Variants in TNPO2 observed in about 807,000 individuals in gnomAD.
TNPO2 encodes transportin-2.
Under a neutral mutation model 111.1 loss-of-function variants are expected in TNPO2, and 16 were observed. That is an observed-to-expected ratio of 0.14 (90% CI 0.10 to 0.22). The LOEUF (loss-of-function observed/expected upper bound fraction) is 0.22. Ranked by LOEUF, TNPO2 falls within the 10% of genes least tolerant of loss-of-function variation. The pLI, the probability that TNPO2 is intolerant of heterozygous loss-of-function variation, is 1.00. For synonymous variants in TNPO2, 481 were observed against 475.8 expected, an observed-to-expected ratio of 1.01 and a Z score of -0.14; for missense variants, 530 against 1,173.7, an observed-to-expected ratio of 0.45 and a Z score of 8.01.
At chr19:12,717,146 G>T (rs2026406028) in intron 5 of TNPO2, among the ~76,000 whole-genome samples, 1 of 152,002 alleles carries the variant, frequency 6.6e-6, no homozygotes, top group African/African-American at 2.4e-5. Context: ...TAGGTACACA[G>T]TGAGGATTGT....
chr19:12,721,393 G>A lies in TNPO2; in HGVS notation c.-13-403C>T. ...ATCCAGGGGCCCCGCCCCAGACCGT[G>A]ATAGCGCCCCGGCCCCCGTGGTCTC... On this transcript the variant is annotated intron_variant, in intron 2 of 25. Transcript: ENST00000425528. The surrounding 1 kb of genome is among the most constrained non-coding windows in gnomAD (Gnocchi z 4.9). The A allele has an allele frequency of 1.1e-6, 1 of 941,604 alleles. No homozygotes were observed. Among genetic ancestry groups the A allele is most frequent in the Non-Finnish European group, 1.5e-6 (1 of 679,980 alleles). 58.3% of individuals were successfully genotyped at this position (941,604 alleles called of 1,614,324 possible). A position where few individuals can be genotyped will look rare whatever the true frequency, so the allele number is the denominator to read the frequency against.
Position 12,702,989 on chromosome 19 carries a change from C to T in TNPO2, c.2210-71G>A. On this transcript the variant is annotated intron_variant, in intron 20 of 25. Coordinates refer to ENST00000425528, the MANE Select transcript of TNPO2 (RefSeq NM_001382241.1). The surrounding 1 kb of genome is among the most constrained non-coding windows in gnomAD (Gnocchi z 5.5). ...CAGGGGCCAGGGGGCCGCCCCACCT[C>T]ACTCACTACTCGCCCCAGTTCCAAC... The T allele has an allele frequency of 7.3e-7, 1 of 1,373,058 alleles. No homozygotes were observed. Among genetic ancestry groups the T allele is most frequent in the Non-Finnish European group, 1.0e-6 (1 of 971,086 alleles). 85.1% of individuals were successfully genotyped at this position (1,373,058 alleles called of 1,614,324 possible).
At position 12,706,873 on chromosome 19, in the gene TNPO2, G is replaced by C. The variant is rs549106214; in HGVS notation, c.1271-78C>G. 3 of 1,200,068 alleles carry C rather than the reference G, an allele frequency of 2.5e-6. No homozygotes were observed. Among genetic ancestry groups the C allele is most frequent in the Non-Finnish European group, 3.6e-6 (3 of 835,702 alleles). 74.3% of individuals were successfully genotyped at this position (1,200,068 alleles called of 1,614,324 possible). Reference sequence around the variant, plus strand: ...CACCGTATGGAGAGAAGAGTCAGCCGCACACAACATATAGGGAAACTGAGG... The same window carrying C: ...CACCGTATGGAGAGAAGAGTCAGCCCCACACAACATATAGGGAAACTGAGG... On this transcript the variant is annotated intron_variant, in intron 13 of 25. Transcript: ENST00000425528. The surrounding 1 kb of genome is among the most constrained non-coding windows in gnomAD (Gnocchi z 7.0).
At chr19:12,718,981 TGA>T in intron 5 of TNPO2, 46 bp downstream of exon 5, 6 of 1,605,880 alleles carry the variant, frequency 3.7e-6, no homozygotes, top group Non-Finnish European at 4.3e-6. Context: ...TGCTGAGAAG[TGA>T]GAGTTCAGTG....
At position 12,719,060 on chromosome 19, in the gene TNPO2, G is replaced by A. The variant is rs775722336; in HGVS notation, c.294C>T (p.Gly98=). ...TGGCTCGGATGAGCGAGGAGGCATC[G>A]CCAATGTTGTTGAGACACTCCTGTT... ...FIKQECLNNI[G]DASSLIRATI... is the part of the protein sequence containing the mutation. The change falls in exon 5 of 26, where the codon GGC becomes GGT. Residue 98 remains glycine, a synonymous_variant. Coordinates refer to ENST00000425528, the MANE Select transcript of TNPO2 (RefSeq NM_001382241.1). The surrounding 1 kb of genome is among the most constrained non-coding windows in gnomAD (Gnocchi z 5.0). 4.3e-6 allele frequency: 7 copies of A among 1,613,808 alleles called. No homozygotes were observed. The highest frequency in any genetic ancestry group is 1.7e-5 in the Admixed American group (1 of 60,004).
intron 10 of TNPO2, 54 bp downstream of exon 10, chr19:12,714,767 G>A: frequency 7.1e-7 from 1 of 1,401,896 alleles, no homozygotes. Flanking sequence ...GGAAGGCAGA[G>A]GCATAGCAAG....
rs1568331377 is a variant in TNPO2 at position 12,702,970 on chromosome 19, C to T, written c.2210-52G>A. 2.6e-6 allele frequency: 4 copies of T among 1,540,474 alleles called. No individual in the cohort carries two copies. The African/African-American group carries it at 5.5e-5, about 21-fold the overall frequency. Reference sequence around the variant, plus strand: ...GCACAGCCCCCGCCACCCACAGGGGCCAGGGGGCCGCCCCACCTCACTCAC... The same window carrying T: ...GCACAGCCCCCGCCACCCACAGGGGTCAGGGGGCCGCCCCACCTCACTCAC... On this transcript the variant is annotated intron_variant, in intron 20 of 25. Transcript: ENST00000425528. The surrounding 1 kb of genome is among the most constrained non-coding windows in gnomAD (Gnocchi z 5.5).
intron 13 of TNPO2, among the ~76,000 whole-genome samples, chr19:12,709,039 C>CAAAAAAAAAAG (rs1319770428): frequency 1.6e-5 from 2 of 126,204 alleles, no homozygotes; most frequent in Non-Finnish European, 3.4e-5. Flanking sequence ...GACTCCATCT[C>CAAAAAAAAAAG]AAAAAAAAAA....
In TNPO2 at chr19:12,719,398, T is replaced by G; in HGVS notation, c.100-62A>C. 7.1e-7 allele frequency: 1 copy of G among 1,416,000 alleles called. No homozygotes were observed. The highest frequency in any genetic ancestry group is 1.8e-5 in the Admixed American group (1 of 56,056). The allele number at this position is 1,416,000 out of a possible 1,614,324, so 87.7% of individuals were successfully genotyped here. ...TTCCCCCAGCCAGGTCCCCTCATTA[T>G]GTACCTGACACTATCTCTGACCACT... On this transcript the variant is annotated intron_variant, in intron 3 of 25. Transcript: ENST00000425528. The surrounding 1 kb of genome is among the most constrained non-coding windows in gnomAD (Gnocchi z 5.0).
intron 5 of TNPO2, among the ~76,000 whole-genome samples, chr19:12,718,235 G>A (rs898488290): frequency 3.3e-5 from 5 of 150,594 alleles, no homozygotes; most frequent in South Asian, 4.2e-4. Context: ...GCGCCATCTC[G>A]CCTCACTGTA....
intron 13 of TNPO2, among the ~76,000 whole-genome samples, chr19:12,709,494 AT>A (rs903496229): frequency 6.6e-6 from 1 of 151,472 alleles, no homozygotes; most frequent in African/African-American, 2.4e-5. Context: ...TCTTTAGACA[AT>A]TTTTTTTTGA....
chr19:12,721,144 C>G lies in TNPO2; in HGVS notation c.-13-154G>C, dbSNP rs1425574002. On this transcript the variant is annotated intron_variant, in intron 2 of 25. Transcript: ENST00000425528. The surrounding 1 kb of genome is among the most constrained non-coding windows in gnomAD (Gnocchi z 4.9). ...ATCCACGCCCGCCCAAGTGCGGGGT[C>G]CCCGCCAGCTGCGCCATCCTCGGCC... The G allele has an allele frequency of 1.4e-6, 2 of 1,441,552 alleles. No homozygotes were observed. Among genetic ancestry groups the G allele is most frequent in the African/African-American group, 3.0e-5 (2 of 67,002 alleles). 89.3% of individuals were successfully genotyped at this position (1,441,552 alleles called of 1,614,324 possible).
chr19:12,712,891 G>A (rs542985414), intron 10 of TNPO2, among the ~76,000 whole-genome samples: 23 of 152,230 alleles, frequency 1.5e-4, no homozygotes, highest in Non-Finnish European at 2.4e-4. Flanking sequence ...GAGACCCACC[G>A]ACCCTGTGGG....
chr19:12,714,789 G>C, intron 10 of TNPO2, 32 bp downstream of exon 10: 1 of 1,578,854 alleles, frequency 6.3e-7, no homozygotes, highest in East Asian at 2.2e-5. Flanking sequence ...GGTCGAAGCT[G>C]GGGTAGGACA....
Position 12,705,796 on chromosome 19 carries a change from C to T in TNPO2, c.1669-28G>A. 1 of 1,435,624 alleles carries T rather than the reference C, an allele frequency of 7.0e-7. No individual in the cohort carries two copies. The highest frequency in any genetic ancestry group is 2.5e-5 in the East Asian group (1 of 39,916). 88.9% of individuals were successfully genotyped at this position (1,435,624 alleles called of 1,614,324 possible). ...GGAGAGGGAGCACGAAATGGGCGCT[C>T]CCTGGGTCGGGGTGGCAGACTGTGA... is the stretch of plus-strand genomic sequence containing the variant. On this transcript the variant is annotated intron_variant, in intron 15 of 25. Transcript: ENST00000425528. The surrounding 1 kb of genome is among the most constrained non-coding windows in gnomAD (Gnocchi z 7.2).
In TNPO2 at chr19:12,706,623, C is replaced by G. The variant is rs760494210; in HGVS notation, c.1443G>C (p.Glu481Asp). ...TGCCATCCAGGATGCGTTTGAGCAG[C>G]TCTGTCATCAGGGGCTTGAGGTGCA... ...PDMHLKPLMT[E>D]LLKRILDGNK... Residue 481 changes from glutamate to aspartate, a missense_variant, in exon 14 of 26, where the codon GAG becomes GAC. Transcript: ENST00000425528. The surrounding 1 kb of genome is among the most constrained non-coding windows in gnomAD (Gnocchi z 7.0). The G allele has an allele frequency of 6.2e-7, 1 of 1,614,040 alleles. No homozygotes were observed. Among genetic ancestry groups the G allele is most frequent in the South Asian group, 1.1e-5 (1 of 91,084 alleles).
chr19:12,712,193 G>C (rs542359795), intron 10 of TNPO2, among the ~76,000 whole-genome samples: 1 of 152,138 alleles, frequency 6.6e-6, no homozygotes, highest in Admixed American at 6.6e-5. Context: ...TGTTATGCCC[G>C]GACAGGGCCA....
chr19:12,710,918 G>C (rs776219905), intron 12 of TNPO2, 145 bp from the exon 13 acceptor site: 2 of 971,134 alleles, frequency 2.1e-6, no homozygotes, highest in African/African-American at 1.7e-5. Flanking sequence ...TTTTGAGACG[G>C]AGTCTCACTT....
chr19:12,720,888 G>T lies in TNPO2; in HGVS notation c.90C>A (p.Ile30=), dbSNP rs535364507. 4 of 1,602,380 alleles carry T rather than the reference G, an allele frequency of 2.5e-6. No individual in the cohort carries two copies. Among genetic ancestry groups the T allele is most frequent in the Admixed American group, 1.7e-5 (1 of 58,432 alleles). Residue 30 remains isoleucine, a synonymous_variant, in exon 3 of 26, where the codon ATC becomes ATA. Transcript: ENST00000425528. The part of the protein sequence containing the change: ...SQSPNTATQR[I]VQDKLKQLNQ... The stretch of plus-strand genomic sequence containing the variant: ...AAGGAAGGAAGGATACATCCTGCAC[G>T]ATGCGCTGAGTGGCTGTGTTGGGCG...
Sources: gnomAD v4.1 joint callset for allele counts (sites outside exome capture counted in the v4.1 genomes callset) on GRCh38, gnomAD v4.1.1 for gene constraint, Gnocchi (gnomAD v3.1) non-coding constraint, MANE v1.5 for transcripts, NCBI Gene and HGNC (gene_info 2026-07-23, HGNC 2026-07-21) for gene names.